The following PRDM16 variants were observed in gnomAD, a reference collection of about 807,000 sequenced individuals.
The protein encoded by PRDM16 is histone-lysine N-methyltransferase PRDM16.
In PRDM16, 23 loss-of-function variants were observed where a neutral mutation model predicts 110.6. That is an observed-to-expected ratio of 0.21 (90% CI 0.15 to 0.29). PRDM16 has a LOEUF of 0.29. Ranked by LOEUF, PRDM16 falls within the 10% of genes least tolerant of loss-of-function variation. PRDM16 has a pLI of 1.00. For missense variants in PRDM16, 1,615 were observed against 1,794.3 expected (o/e 0.90, Z 1.81); for synonymous variants, 799 against 781.8 (o/e 1.02, Z -0.37).
intron 1 of PRDM16, among the ~76,000 whole-genome samples, chr1:3,125,217 T>C (rs1018876198): frequency 6.6e-6 from 1 of 152,244 alleles, no homozygotes; most frequent in Non-Finnish European, 1.5e-5. Flanking sequence ...GCCAGCGCGC[T>C]TCCCGCATCC....
At chr1:3,129,230 G>T (rs1296428550) in intron 1 of PRDM16, among the ~76,000 whole-genome samples, 2 of 150,088 alleles carry the variant, frequency 1.3e-5, no homozygotes, top group Non-Finnish European at 3.0e-5. Context: ...GTCTTGGCTG[G>T]TATGTGCATG....
intron 1 of PRDM16, among the ~76,000 whole-genome samples, chr1:3,072,439 G>C (rs554065681): frequency 6.6e-6 from 1 of 152,306 alleles, no homozygotes; most frequent in African/African-American, 2.4e-5. Flanking sequence ...GGCTGGGGGA[G>C]TGTCCTCTCC....
In PRDM16 at chr1:3,208,493, A is replaced by ATCT. The variant is rs1036985681; in HGVS notation, c.387+22020_387+22021insCTT. ...TCAGCCTGACCAATATGGTGAGACG[A>ATCT]TGTCTCTACTAAAAATACAAAAATT... On this transcript the variant is annotated intron_variant, in intron 2 of 16. Coordinates refer to ENST00000270722, the MANE Select transcript of PRDM16 (RefSeq NM_022114.4). The surrounding 1 kb of genome is among the most constrained non-coding windows in gnomAD (Gnocchi z 6.1). The ATCT allele has an allele frequency of 6.6e-6, 1 of 152,010 alleles. No individual in the cohort carries two copies. Among genetic ancestry groups the ATCT allele is most frequent in the Non-Finnish European group, 1.5e-5 (1 of 68,020 alleles). The allele number at this position is 152,010 out of a possible 1,614,324, so 9.4% of individuals were successfully genotyped here.
Position 3,351,000 on chromosome 1 carries a change from C to T in PRDM16, c.439-34152C>T, listed in dbSNP as rs547504805. Among the ~76,000 whole-genome samples, 108 of 152,338 alleles carry T rather than the reference C, an allele frequency of 7.1e-4. No individual in the cohort carries two copies. Among genetic ancestry groups the T allele is most frequent in the African/African-American group, 2.3e-3 (97 of 41,582 alleles). On this transcript the variant is annotated intron_variant, in intron 3 of 16. Coordinates refer to ENST00000270722, the MANE Select transcript of PRDM16 (RefSeq NM_022114.4). This position sits in a 1 kb window ranked among gnomAD's most constrained non-coding sequence, Gnocchi z 7.1. The stretch of plus-strand genomic sequence containing the variant: ...ATTTCCAAAAATAGCCAGCAGAGAG[C>T]GGGAACTGTCTGCAGAGCTGCTGGT...
intron 1 of PRDM16, among the ~76,000 whole-genome samples, chr1:3,114,969 G>A (rs943242249): frequency 2.0e-5 from 3 of 152,252 alleles, no homozygotes; most frequent in South Asian, 2.1e-4. Context: ...CTCTGACCTC[G>A]CCCCTGGGCC....
At chr1:3,360,407 T>C (rs1246172570) in intron 3 of PRDM16, among the ~76,000 whole-genome samples, 1 of 152,202 alleles carries the variant, frequency 6.6e-6, no homozygotes, top group African/African-American at 2.4e-5. Context: ...CTAAGAACTA[T>C]GCCAGAGGTT....
At chr1:3,110,961 C>T (rs1040086999) in intron 1 of PRDM16, among the ~76,000 whole-genome samples, 96 of 152,328 alleles carry the variant, frequency 6.3e-4, no homozygotes, top group South Asian at 1.0e-3. Flanking sequence ...TTGCCCGGTT[C>T]TGGGCAAGAC....
intron 3 of PRDM16, among the ~76,000 whole-genome samples, chr1:3,268,211 C>T (rs1157890552): frequency 6.6e-6 from 1 of 152,168 alleles, no homozygotes; most frequent in South Asian, 2.1e-4. Context: ...CGGCTCGGCG[C>T]GCGTCAGACC....
Position 3,190,383 on chromosome 1 carries a change from G to A in PRDM16, c.387+3909G>A, listed in dbSNP as rs777537035. On this transcript the variant is annotated intron_variant, in intron 2 of 16. Coordinates refer to ENST00000270722, the MANE Select transcript of PRDM16 (RefSeq NM_022114.4). This position sits in a 1 kb window ranked among gnomAD's most constrained non-coding sequence, Gnocchi z 5.0. ...TTTCCTCCGGCCTCAGTTGCTGGTC[G>A]GAAGCCTGCATTCCTTCTACGCTGA... is the stretch of plus-strand genomic sequence containing the variant. 6.6e-6 allele frequency among the ~76,000 whole-genome samples: 1 copy of A among 152,300 alleles called. No individual in the cohort carries two copies. Among genetic ancestry groups the A allele is most frequent in the African/African-American group, 2.4e-5 (1 of 41,556 alleles).
At position 3,148,921 on chromosome 1, in the gene PRDM16, G is replaced by A. The variant is rs894487284; in HGVS notation, c.38-37204G>A. Among the ~76,000 whole-genome samples the A allele has an allele frequency of 1.3e-5, 2 of 152,214 alleles. No homozygotes were observed. Among genetic ancestry groups the A allele is most frequent in the Non-Finnish European group, 2.9e-5 (2 of 68,042 alleles). On this transcript the variant is annotated intron_variant, in intron 1 of 16. Coordinates refer to ENST00000270722, the MANE Select transcript of PRDM16 (RefSeq NM_022114.4). This position sits in a 1 kb window ranked among gnomAD's most constrained non-coding sequence, Gnocchi z 5.0. ...GATCCCAGTTGCGGAGGAAATGTTG[G>A]AGGAGGGGCAGTGGGGAAGGGCTGG...
intron 3 of PRDM16, among the ~76,000 whole-genome samples, chr1:3,376,025 G>A (rs768611915): frequency 1.3e-5 from 2 of 152,112 alleles, no homozygotes; most frequent in Admixed American, 6.5e-5. Context: ...ACGGCATCTG[G>A]GGTCCAGGTG....
chr1:3,288,889 C>A (rs960535813), intron 3 of PRDM16, among the ~76,000 whole-genome samples: 2 of 152,170 alleles, frequency 1.3e-5, no homozygotes, highest in Non-Finnish European at 2.9e-5. Flanking sequence ...TGTTCTCCTC[C>A]CACATTGACC....
chr1:3,377,200 T>C (rs988563673), intron 3 of PRDM16, among the ~76,000 whole-genome samples: 2 of 152,230 alleles, frequency 1.3e-5, no homozygotes, highest in Admixed American at 1.3e-4. Context: ...CGCCAGCTCC[T>C]GGCTGTCAGA....
At chr1:3,221,060 A>G (rs1432296396) in intron 2 of PRDM16, among the ~76,000 whole-genome samples, 2 of 152,112 alleles carry the variant, frequency 1.3e-5, no homozygotes, top group African/African-American at 2.4e-5. Flanking sequence ...TGAGGTGGAG[A>G]GGGGGGACGG....
At chr1:3,259,535 C>T (rs1640117818) in intron 3 of PRDM16, among the ~76,000 whole-genome samples, 1 of 152,196 alleles carries the variant, frequency 6.6e-6, no homozygotes, top group Non-Finnish European at 1.5e-5. Flanking sequence ...TGCATTCAAG[C>T]AGGTAAACTC....
intron 3 of PRDM16, among the ~76,000 whole-genome samples, chr1:3,302,090 TA>T (rs77990751): frequency 0.18 from 27,588 of 152,152 alleles, 2,610 homozygotes; most frequent in East Asian, 0.32. Flanking sequence ...TAGCAGGTCC[TA>T]AACTGTTGCT....
intron 3 of PRDM16, among the ~76,000 whole-genome samples, chr1:3,327,660 G>C (rs1183227076): frequency 3.6e-5 from 5 of 140,402 alleles, no homozygotes; most frequent in Admixed American, 7.2e-5. Flanking sequence ...ACAGTGGCAG[G>C]GATGGGCACA....
rs148773314 is a variant in PRDM16, at chr1:3,158,127, G to A, written c.38-27998G>A. The stretch of plus-strand genomic sequence containing the variant: ...TTCTGGTGTGGAATACCTGATACAC[G>A]GTTGTGCCCGTTCTGTATTGGCAAA... On this transcript the variant is annotated intron_variant, in intron 1 of 16. Transcript: ENST00000270722. Among the ~76,000 whole-genome samples the A allele has an allele frequency of 1.7e-4, 26 of 152,164 alleles. 1 individual carries two copies. The highest frequency in any genetic ancestry group is 4.2e-4 in the South Asian group (2 of 4,812).
At chr1:3,225,571 T>TGCGCGCGCGCGCGC (rs1374895567) in intron 2 of PRDM16, among the ~76,000 whole-genome samples, 6 of 107,658 alleles carry the variant, frequency 5.6e-5, no homozygotes, top group African/African-American at 2.1e-4. Flanking sequence ...TGTGTGTGTG[T>TGCGCGCGCGCGCGC]GTGCGCGCGC....
Sources: gnomAD v4.1 joint callset for allele counts (sites outside exome capture counted in the v4.1 genomes callset) on GRCh38, gnomAD v4.1.1 for gene constraint, Gnocchi (gnomAD v3.1) non-coding constraint, MANE v1.5 for transcripts, NCBI Gene and HGNC (gene_info 2026-07-23, HGNC 2026-07-21) for gene names.